The following ATF3 variants were observed in gnomAD, a reference collection of about 807,000 sequenced individuals.
The protein encoded by ATF3 is cyclic AMP-dependent transcription factor ATF-3.
A neutral mutation model predicts 18.4 loss-of-function variants in ATF3; 10 were observed. That is an observed-to-expected ratio of 0.54 (90% CI 0.34 to 0.92). The LOEUF is 0.92. Ranked by LOEUF, ATF3 falls within the 40% of genes least tolerant of loss-of-function variation. ATF3 has a pLI of 0.02. For missense variants in ATF3, 183 were observed against 222.3 expected, an observed-to-expected ratio of 0.82 and a Z score of 1.12; for synonymous variants, 78 against 87.9, an observed-to-expected ratio of 0.89 and a Z score of 0.63.
At chr1:212,575,271 A>G (rs901735908) in intron 1 of ATF3, among the ~76,000 whole-genome samples, 6 of 152,086 alleles carry the variant, frequency 3.9e-5, no homozygotes, top group African/African-American at 1.4e-4. Context: ...ATACCTTTTA[A>G]CAAATTTATT....
At chr1:212,597,546 G>A (rs908803805) in intron 1 of ATF3, among the ~76,000 whole-genome samples, 10 of 152,162 alleles carry the variant, frequency 6.6e-5, no homozygotes, top group Admixed American at 3.3e-4. Context: ...CTGCAAGGTG[G>A]GTCGTATTAG....
At chr1:212,565,709 A>T (rs1664370685) in intron 1 of ATF3, among the ~76,000 whole-genome samples, 1 of 152,076 alleles carries the variant, frequency 6.6e-6, no homozygotes, top group African/African-American at 2.4e-5. Flanking sequence ...GGTGCTGCAG[A>T]ATCTCTAGGT....
At chr1:212,569,633 T>A (rs985768307) in intron 1 of ATF3, among the ~76,000 whole-genome samples, 2 of 151,312 alleles carry the variant, frequency 1.3e-5, no homozygotes, top group Non-Finnish European at 2.9e-5. Flanking sequence ...AATGTAAACA[T>A]CTTCCCACTT....
At position 212,618,323 on chromosome 1, in the gene ATF3, C is replaced by T. The variant is rs1378573948; in HGVS notation, c.348+89C>T. 7.3e-7 allele frequency: 1 copy of T among 1,362,228 alleles called. No individual in the cohort carries two copies. Among genetic ancestry groups the T allele is most frequent in the South Asian group, 1.2e-5 (1 of 85,518 alleles). The allele number at this position is 1,362,228 out of a possible 1,614,324, so 84.4% of individuals were successfully genotyped here. ...TATCAGAAGAAGAGTTAGAAAACCC[C>T]CTACTTGGTTATAGTTTCCCAAGAA... On this transcript the variant is annotated intron_variant, in intron 3 of 3. Transcript: ENST00000341491. This position sits in a 1 kb window ranked among gnomAD's most constrained non-coding sequence, Gnocchi z 4.4.
chr1:212,598,785 C>T (rs779198377), intron 1 of ATF3, among the ~76,000 whole-genome samples: 1 of 152,216 alleles, frequency 6.6e-6, no homozygotes, highest in Non-Finnish European at 1.5e-5. Flanking sequence ...TTGCAAATGA[C>T]AGTATCTCAT....
intron 1 of ATF3, among the ~76,000 whole-genome samples, chr1:212,599,952 C>A (rs149494033): frequency 3.3e-5 from 5 of 152,186 alleles, no homozygotes; most frequent in African/African-American, 1.2e-4. Flanking sequence ...GGGGAGGGCC[C>A]CCGAAAGTGA....
intron 1 of ATF3, among the ~76,000 whole-genome samples, chr1:212,609,780 A>AT (rs952073290): frequency 1.3e-5 from 2 of 152,134 alleles, no homozygotes; most frequent in Non-Finnish European, 2.9e-5. Context: ...ATTTGAGAGA[A>AT]TGGCTTTGTG....
chr1:212,592,723 G>A (rs1225097129), intron 1 of ATF3, among the ~76,000 whole-genome samples: 2 of 151,852 alleles, frequency 1.3e-5, no homozygotes, highest in African/African-American at 4.8e-5. Context: ...CTACTTTGGT[G>A]GGCTGTGTGC....
intron 1 of ATF3, among the ~76,000 whole-genome samples, chr1:212,592,482 A>G (rs1036401866): frequency 2.6e-5 from 3 of 113,896 alleles, no homozygotes; most frequent in African/African-American, 9.8e-5. Context: ...AGGTCCACAC[A>G]TTATATTTGG....
rs570710471 is a variant in ATF3, at chr1:212,584,272, G to A, written c.-5+18789G>A. 3.2e-4 allele frequency among the ~76,000 whole-genome samples: 48 copies of A among 152,274 alleles called. 1 individual carries two copies. In the South Asian group the frequency reaches 9.5e-3, roughly 30 times the overall value. The stretch of plus-strand genomic sequence containing the variant: ...GCAGAAAACAGCTGTTACTCCCTGT[G>A]TTAGTCAGGGTTCTCCAGGGAAACA... On this transcript the variant is annotated intron_variant, in intron 1 of 3. Transcript: ENST00000366981.
At chr1:212,594,253 T>C (rs962883397) in intron 1 of ATF3, among the ~76,000 whole-genome samples, 7 of 152,222 alleles carry the variant, frequency 4.6e-5, no homozygotes, top group African/African-American at 1.4e-4. Flanking sequence ...TTCCAGGTAG[T>C]CTACATGCTT....
intron 1 of ATF3, among the ~76,000 whole-genome samples, chr1:212,614,435 C>T (rs998220836): frequency 5.9e-5 from 9 of 152,058 alleles, no homozygotes; most frequent in Admixed American, 4.6e-4. Flanking sequence ...GGCCCAACTT[C>T]GGGGGAGAAG....
intron 1 of ATF3, among the ~76,000 whole-genome samples, chr1:212,569,091 T>A (rs931705239): frequency 6.6e-6 from 1 of 152,230 alleles, no homozygotes; most frequent in African/African-American, 2.4e-5. Context: ...CAGAATAAAC[T>A]TATTTGAATT....
chr1:212,580,606 T>C (rs1052623941), intron 1 of ATF3, among the ~76,000 whole-genome samples: 1 of 152,094 alleles, frequency 6.6e-6, no homozygotes, highest in African/African-American at 2.4e-5. Flanking sequence ...ATACCCAGCC[T>C]TCACTTTCTT....
chr1:212,596,039 G>A (rs1345264650), intron 1 of ATF3, among the ~76,000 whole-genome samples: 1 of 152,174 alleles, frequency 6.6e-6, no homozygotes, highest in East Asian at 1.9e-4. Flanking sequence ...AAGTGGTTGG[G>A]GCTTAAAGTG....
At chr1:212,580,308 GT>G (rs1431610513) in intron 1 of ATF3, among the ~76,000 whole-genome samples, 1 of 151,178 alleles carries the variant, frequency 6.6e-6, no homozygotes, top group African/African-American at 2.4e-5. Flanking sequence ...TTTCACTACT[GT>G]TTACTTTCAA....
chr1:212,604,738 G>A (rs1024697335), upstream of ATF3, among the ~76,000 whole-genome samples: 6 of 152,172 alleles, frequency 3.9e-5, no homozygotes, highest in African/African-American at 1.4e-4. Flanking sequence ...GACCGTCAGA[G>A]CTCAGCCCAA....
chr1:212,618,721 C>T lies in ATF3; in HGVS notation c.348+487C>T, dbSNP rs947458805. On this transcript the variant is annotated intron_variant, in intron 3 of 3. Coordinates refer to ENST00000341491, the MANE Select transcript of ATF3 (RefSeq NM_001674.4). The surrounding 1 kb of genome is among the most constrained non-coding windows in gnomAD (Gnocchi z 4.4). ...CTAGAGCCCTTCTCCCTGGCTTAGC[C>T]AGTAAGCTGAGCCCCTGGCTGCGTT... 2.1e-6 allele frequency: 1 copy of T among 477,130 alleles called. No individual in the cohort carries two copies. The highest frequency in any genetic ancestry group is 2.0e-5 in the African/African-American group (1 of 51,126). 29.6% of individuals were successfully genotyped at this position (477,130 alleles called of 1,614,324 possible).
chr1:212,569,806 T>C (rs529554994), intron 1 of ATF3, among the ~76,000 whole-genome samples: 1 of 152,304 alleles, frequency 6.6e-6, no homozygotes, highest in South Asian at 2.1e-4. Flanking sequence ...TAAATAGTAC[T>C]GTAATAAACA....
Sources: allele counts gnomAD v4.1 joint callset (sites outside exome capture counted in the v4.1 genomes callset), GRCh38; gene constraint gnomAD v4.1.1; non-coding constraint Gnocchi (gnomAD v3.1); transcripts MANE v1.5; gene names NCBI Gene and HGNC (gene_info 2026-07-23, HGNC 2026-07-21).